Variants in TYW1B observed in about 807,000 individuals in gnomAD.
The protein encoded by TYW1B is S-adenosyl-L-methionine-dependent tRNA 4-demethylwyosine synthase TYW1B.
TYW1B carries 73 observed loss-of-function variants against 86.9 expected under a neutral mutation model. The observed-to-expected ratio is 0.84, with a 90% CI of 0.70 to 1.02. TYW1B has a LOEUF of 1.02. TYW1B is among the 50% of genes least tolerant of loss of function. The pLI is 0.00. For missense variants in TYW1B, 637 were observed against 827.4 expected (o/e 0.77, Z 2.82); for synonymous variants, 248 against 292.8 (o/e 0.85, Z 1.56).
chr7:72,694,171 C>A (rs1355122748), intron 11 of TYW1B, among the ~76,000 whole-genome samples: 7 of 152,112 alleles, frequency 4.6e-5, no homozygotes, highest in African/African-American at 1.7e-4. Flanking sequence ...CCATGTTGGC[C>A]AGGCTGGTCT....
intron 10 of TYW1B, among the ~76,000 whole-genome samples, chr7:72,710,725 T>C (rs1786637357): frequency 6.6e-6 from 1 of 152,118 alleles, no homozygotes; most frequent in Admixed American, 6.5e-5. Flanking sequence ...GGAGAATCGC[T>C]TGAACCTGGG....
chr7:72,710,303 C>T (rs1306498692), intron 10 of TYW1B, among the ~76,000 whole-genome samples: 1 of 152,104 alleles, frequency 6.6e-6, no homozygotes, highest in Non-Finnish European at 1.5e-5. Context: ...CCCAATGTCC[C>T]GCACATCAGC....
intron 7 of TYW1B, among the ~76,000 whole-genome samples, chr7:72,762,197 G>A (rs1787696709): frequency 6.6e-6 from 1 of 152,044 alleles, no homozygotes. Flanking sequence ...TTCTTCCTGA[G>A]ATGTAATTAA....
intron 5 of TYW1B, among the ~76,000 whole-genome samples, chr7:72,805,394 T>A (rs782623475): frequency 2.6e-4 from 39 of 150,314 alleles, no homozygotes; most frequent in Non-Finnish European, 5.0e-4. Context: ...AGTGGATCAC[T>A]TGAGCCCAAG....
chr7:72,639,267 T>C (rs539119212), intron 11 of TYW1B, among the ~76,000 whole-genome samples: 1 of 151,872 alleles, frequency 6.6e-6, no homozygotes, highest in Non-Finnish European at 1.5e-5. Flanking sequence ...TTTTTTGTTT[T>C]TTTGAGACAG....
chr7:72,594,402 C>G (rs555958334), intron 13 of TYW1B, among the ~76,000 whole-genome samples: 2 of 148,880 alleles, frequency 1.3e-5, no homozygotes, highest in Non-Finnish European at 3.0e-5. Context: ...AATGGATAAC[C>G]TAGATGAAAT....
intron 11 of TYW1B, among the ~76,000 whole-genome samples, chr7:72,639,070 C>A (rs1291791408): frequency 4.6e-5 from 7 of 151,870 alleles, no homozygotes; most frequent in Admixed American, 4.6e-4. Context: ...GAAGTATAAA[C>A]AAAGTACAAT....
At chr7:72,680,881 T>C (rs1471528517) in intron 11 of TYW1B, among the ~76,000 whole-genome samples, 4 of 152,230 alleles carry the variant, frequency 2.6e-5, no homozygotes, top group African/African-American at 7.2e-5. Flanking sequence ...AGCTAGACTA[T>C]AGTTACAGTG....
chr7:72,785,793 G>A (rs1563093458), intron 6 of TYW1B, among the ~76,000 whole-genome samples: 1 of 152,096 alleles, frequency 6.6e-6, no homozygotes, highest in Non-Finnish European at 1.5e-5. Flanking sequence ...AAGCACTCAG[G>A]GAATGTGTGA....
chr7:72,611,175 C>G (rs1198118278), intron 13 of TYW1B, among the ~76,000 whole-genome samples: 1 of 152,160 alleles, frequency 6.6e-6, no homozygotes, highest in Non-Finnish European at 1.5e-5. Flanking sequence ...TGAAGCCTCT[C>G]CTGATGGGAC....
At chr7:72,601,682 A>AT (rs1811671072) in intron 13 of TYW1B, among the ~76,000 whole-genome samples, 1 of 151,456 alleles carries the variant, frequency 6.6e-6, no homozygotes, top group African/African-American at 2.4e-5. Context: ...TTATTTGCCA[A>AT]TAAAAAAAAA....
At chr7:72,611,904 GA>G (rs561050837) in intron 13 of TYW1B, among the ~76,000 whole-genome samples, 4 of 152,168 alleles carry the variant, frequency 2.6e-5, no homozygotes, top group Admixed American at 6.5e-5. Context: ...TGTGGGTGGG[GA>G]AAGACCAATA....
At chr7:72,825,101 CAAA>C (rs58039217) in intron 2 of TYW1B, among the ~76,000 whole-genome samples, 6 of 74,998 alleles carry the variant, frequency 8.0e-5, no homozygotes, top group Non-Finnish European at 1.1e-4. Flanking sequence ...ACCCTGTCTC[CAAA>C]AAAAAAAAAA....
chr7:72,622,352 T>C (rs1329069222), intron 12 of TYW1B, among the ~76,000 whole-genome samples: 1 of 152,242 alleles, frequency 6.6e-6, no homozygotes, highest in African/African-American at 2.4e-5. Context: ...TAAATAAATG[T>C]GCTTAATGGA....
At chr7:72,672,231 G>A (rs1352396773) in intron 11 of TYW1B, among the ~76,000 whole-genome samples, 1 of 151,876 alleles carries the variant, frequency 6.6e-6, no homozygotes, top group Non-Finnish European at 1.5e-5. Context: ...GGCTTCTCCA[G>A]CCATGTGGAA....
intron 11 of TYW1B, among the ~76,000 whole-genome samples, chr7:72,672,473 A>AACACACACACAC (rs57744814): frequency 0.025 from 3,521 of 140,808 alleles, 78 homozygotes; most frequent in African/African-American, 0.049. Flanking sequence ...TACACACACA[A>AACACACACACAC]ACACACACAC....
chr7:72,639,041 TG>T (rs1668043130), intron 11 of TYW1B, among the ~76,000 whole-genome samples: 1 of 152,146 alleles, frequency 6.6e-6, no homozygotes, highest in Non-Finnish European at 1.5e-5. Context: ...GAAACAGGAT[TG>T]GAGCAATCAC....
rs1442952632 is a variant in TYW1B, at chr7:72,721,623, T to C, written c.1192+7199A>G. On this transcript the variant is annotated intron_variant, in intron 9 of 13. Transcript: ENST00000620995. ...TCTCACACTCACACACACACACACATGCACACACACACACGCACACACACA... is the reference window on the plus strand; with the variant it reads ...TCTCACACTCACACACACACACACACGCACACACACACACGCACACACACA... Among the ~76,000 whole-genome samples, 13 of 150,808 alleles carry C rather than the reference T, an allele frequency of 8.6e-5. No individual in the cohort carries two copies. The East Asian group carries it at 9.7e-4, about 11-fold the overall frequency.
chr7:72,719,138 A>C (rs3015847), intron 9 of TYW1B, among the ~76,000 whole-genome samples: 83,382 of 151,834 alleles, frequency 0.55, 24,942 homozygotes, highest in Non-Finnish European at 0.67. Context: ...ACTGAAAAAT[A>C]AATTCAATTA....
Sources: gnomAD v4.1 joint callset for allele counts (sites outside exome capture counted in the v4.1 genomes callset) on GRCh38, gnomAD v4.1.1 for gene constraint, MANE v1.5 for transcripts, NCBI Gene and HGNC (gene_info 2026-07-23, HGNC 2026-07-21) for gene names.